Variants in CMIP observed in about 807,000 individuals in gnomAD.
The protein encoded by CMIP is C-Maf-inducing protein.
Under a neutral mutation model 97.3 loss-of-function variants are expected in CMIP, and 13 were observed. The ratio of observed to expected loss-of-function variants is 0.13; its 90% CI spans 0.09 to 0.21. The LOEUF (loss-of-function observed/expected upper bound fraction) is 0.21. CMIP is among the 10% of genes least tolerant of loss of function. The pLI is 1.00. For synonymous variants in CMIP, 538 were observed against 436.3 expected (o/e 1.23, Z -2.91); for missense variants, 847 against 1,024.9 (o/e 0.83, Z 2.37).
chr16:81,544,301 T>C (rs935279441), intron 1 of CMIP, among the ~76,000 whole-genome samples: 2 of 152,252 alleles, frequency 1.3e-5, no homozygotes, highest in African/African-American at 4.8e-5. Context: ...TGGAGGGTCA[T>C]GCAAGTGAAA....
At chr16:81,565,431 C>T (rs1262288942) in intron 1 of CMIP, among the ~76,000 whole-genome samples, 2 of 152,222 alleles carry the variant, frequency 1.3e-5, no homozygotes, top group Non-Finnish European at 2.9e-5. Flanking sequence ...TGCACTCCAT[C>T]CTCCTGCTCC....
chr16:81,526,660 C>T (rs570923479), intron 1 of CMIP, among the ~76,000 whole-genome samples: 2 of 152,186 alleles, frequency 1.3e-5, no homozygotes, highest in Non-Finnish European at 2.9e-5. Context: ...GAAGATTACT[C>T]TAAGAAGGGG....
At chr16:81,662,470 C>G (rs893991794) in intron 6 of CMIP, among the ~76,000 whole-genome samples, 2 of 152,136 alleles carry the variant, frequency 1.3e-5, no homozygotes, top group Admixed American at 1.3e-4. Context: ...GGCCGTCTGC[C>G]TTTTGGAGGG....
chr16:81,610,358 C>A, intron 2 of CMIP: 1 of 985,586 alleles, frequency 1.0e-6, no homozygotes, highest in Non-Finnish European at 1.2e-6. Context: ...TCCAGCATCC[C>A]ACTTGCTCAC....
At chr16:81,483,585 CT>C (rs1476498477) in intron 1 of CMIP, among the ~76,000 whole-genome samples, 15 of 151,790 alleles carry the variant, frequency 9.9e-5, no homozygotes, top group African/African-American at 2.7e-4. Flanking sequence ...TCCTCTTCCT[CT>C]TCCTCTTCCT....
chr16:81,490,611 CTG>C (rs759405691), intron 1 of CMIP, among the ~76,000 whole-genome samples: 1 of 152,168 alleles, frequency 6.6e-6, no homozygotes, highest in Non-Finnish European at 1.5e-5. Context: ...CAGAGGGAGA[CTG>C]TCTCAAAAAC....
chr16:81,580,919 A>T (rs2091285912), intron 1 of CMIP, among the ~76,000 whole-genome samples: 1 of 152,088 alleles, frequency 6.6e-6, no homozygotes, highest in African/African-American at 2.4e-5. Flanking sequence ...CGTGCCCATT[A>T]GCAGTCATTC....
chr16:81,670,127 C>G lies in CMIP; in HGVS notation c.826-15C>G, dbSNP rs1057377264. ...CTAGCACCGTCCCGACTCCTGTCCT[C>G]TGCTGTCTCCACAGGACTTTGGGAA... On this transcript the variant is annotated splice_polypyrimidine_tract_variant and intron_variant, in intron 7 of 20. Coordinates refer to ENST00000537098, the MANE Select transcript of CMIP (RefSeq NM_198390.3). 1.2e-6 allele frequency: 2 copies of G among 1,600,076 alleles called. No homozygotes were observed. Among genetic ancestry groups the G allele is most frequent in the Non-Finnish European group, 1.7e-6 (2 of 1,173,456 alleles).
In CMIP at chr16:81,629,134, TAAAAAAAAAAAAAAAAA is replaced by T. The variant is rs10533097; in HGVS notation, c.477+8224_477+8240del. 3.7e-4 allele frequency among the ~76,000 whole-genome samples: 17 copies of T among 45,696 alleles called. No homozygotes were observed. In the South Asian group the frequency reaches 4.5e-3, roughly 12 times the overall value. 30.0% of individuals were successfully genotyped at this position (45,696 alleles called of 152,430 possible). ...CTGGGTGACAGAGTGAAACTGTGCT[TAAAAAAAAAAAAAAAAA>T]AAAAAAAAAAAAAAAGATAATGTGA... On this transcript the variant is annotated intron_variant, in intron 3 of 20. Coordinates refer to ENST00000537098, the MANE Select transcript of CMIP (RefSeq NM_198390.3).
intron 3 of CMIP, among the ~76,000 whole-genome samples, chr16:81,648,784 G>GA (rs6145916): frequency 2.6e-4 from 20 of 75,738 alleles, no homozygotes; most frequent in African/African-American, 1.1e-3. Context: ...CTCTGTCTCA[G>GA]AAAAAAAAAA....
At chr16:81,586,144 G>C (rs981124322) in intron 1 of CMIP, among the ~76,000 whole-genome samples, 1 of 151,758 alleles carries the variant, frequency 6.6e-6, no homozygotes, top group African/African-American at 2.4e-5. Flanking sequence ...GGTCTAAACA[G>C]CTACTTGTAG....
intron 1 of CMIP, among the ~76,000 whole-genome samples, chr16:81,511,897 C>T (rs553958452): frequency 4.9e-4 from 75 of 152,266 alleles, no homozygotes; most frequent in Non-Finnish European, 9.1e-4. Flanking sequence ...TCCAATACCA[C>T]GGCCACCAGC....
intron 11 of CMIP, among the ~76,000 whole-genome samples, chr16:81,692,475 A>T (rs549677563): frequency 1.3e-5 from 2 of 152,218 alleles, no homozygotes; most frequent in African/African-American, 4.8e-5. Flanking sequence ...AAATGCCTCC[A>T]GGTCTCTTTC....
At chr16:81,484,589 G>GTAGT (rs1168522942) in intron 1 of CMIP, among the ~76,000 whole-genome samples, 1 of 152,034 alleles carries the variant, frequency 6.6e-6, no homozygotes, top group Non-Finnish European at 1.5e-5. Flanking sequence ...GTGGGTTTTT[G>GTAGT]TAGTGGGGTC....
chr16:81,533,104 A>G (rs2090271960), intron 1 of CMIP, among the ~76,000 whole-genome samples: 1 of 152,070 alleles, frequency 6.6e-6, no homozygotes, highest in African/African-American at 2.4e-5. Flanking sequence ...CCACTCCCAC[A>G]ATTTTTTATT....
At chr16:81,469,097 G>A (rs1342527488) in intron 1 of CMIP, among the ~76,000 whole-genome samples, 1 of 152,262 alleles carries the variant, frequency 6.6e-6, no homozygotes, top group Non-Finnish European at 1.5e-5. Context: ...CTGATCAGGA[G>A]TGTGGGGCCC....
chr16:81,550,558 G>A (rs547112389), intron 1 of CMIP, among the ~76,000 whole-genome samples: 3 of 152,312 alleles, frequency 2.0e-5, no homozygotes, highest in Non-Finnish European at 2.9e-5. Context: ...TGTCTATGTG[G>A]CTTCCACCCT....
intron 6 of CMIP, among the ~76,000 whole-genome samples, chr16:81,663,318 G>A (rs1285219798): frequency 6.6e-6 from 1 of 151,448 alleles, no homozygotes; most frequent in Non-Finnish European, 1.5e-5. Context: ...AAACGAGCTA[G>A]CAGACCACGA....
intron 1 of CMIP, among the ~76,000 whole-genome samples, chr16:81,592,267 C>T (rs2091477411): frequency 6.6e-6 from 1 of 152,210 alleles, no homozygotes; most frequent in East Asian, 1.9e-4. Flanking sequence ...GGGCTATCTC[C>T]TGGTCTGTGT....
Sources: gnomAD v4.1 joint callset for allele counts (sites outside exome capture counted in the v4.1 genomes callset) on GRCh38, gnomAD v4.1.1 for gene constraint, MANE v1.5 for transcripts, NCBI Gene and HGNC (gene_info 2026-07-23, HGNC 2026-07-21) for gene names.